Variants in USP39 observed in about 807,000 individuals in gnomAD.
The protein encoded by USP39 is ubiquitin specific peptidase 39, also known as ubiquitin carboxyl-terminal hydrolase 39.
In USP39, 38 loss-of-function variants were observed where a neutral mutation model predicts 66.4. That is an observed-to-expected ratio of 0.57 (90% confidence interval 0.44 to 0.75). The LOEUF is 0.75. Ranked by LOEUF, USP39 falls within the 30% of genes least tolerant of loss-of-function variation. The pLI is 0.00. For synonymous variants in USP39, 303 were observed against 274.6 expected, an observed-to-expected ratio of 1.10 and a Z score of -1.02; for missense variants, 608 against 714.4, an observed-to-expected ratio of 0.85 and a Z score of 1.70.
At chr2:85,622,833 A>C (rs1217211958) in intron 3 of USP39, among the ~76,000 whole-genome samples, 1 of 152,098 alleles carries the variant, frequency 6.6e-6, no homozygotes. Flanking sequence ...GTTTAAAGTC[A>C]AGAGTTCAAG....
chr2:85,647,004 C>T (rs748198749), intron 11 of USP39, among the ~76,000 whole-genome samples: 27 of 151,382 alleles, frequency 1.8e-4, no homozygotes, highest in Non-Finnish European at 3.1e-4. Flanking sequence ...TCTCCTGCCT[C>T]AGCCTCCCAA....
At chr2:85,646,953 T>C (rs1046653632) in intron 11 of USP39, among the ~76,000 whole-genome samples, 1 of 149,880 alleles carries the variant, frequency 6.7e-6, no homozygotes, top group Non-Finnish European at 1.5e-5. Context: ...AGTGGCATGA[T>C]CTTGGCTCAC....
chr2:85,619,300 CAG>C lies in USP39; in HGVS notation c.338+15_338+16del. On this transcript the variant is annotated intron_variant, in intron 2 of 12. Transcript: ENST00000323701. ...GGACACCATTAACAGGTCAGTAGGA[CAG>C]AGATGCTGAGTATAGCACAAGAACA... The C allele has an allele frequency of 2.5e-6, 4 of 1,612,144 alleles. No homozygotes were observed. The highest frequency in any genetic ancestry group is 2.5e-6 in the Non-Finnish European group (3 of 1,179,182).
At chr2:85,647,434 G>T (rs1401272306) in intron 11 of USP39, among the ~76,000 whole-genome samples, 1 of 152,074 alleles carries the variant, frequency 6.6e-6, no homozygotes, top group African/African-American at 2.4e-5. Context: ...ACTTTAGGAG[G>T]CTGAGGCGGG....
upstream of USP39, chr2:85,609,568 C>T (rs532868818): frequency 2.4e-5 from 38 of 1,614,080 alleles, no homozygotes; most frequent in Admixed American, 1.2e-4. Flanking sequence ...GTCTGGGTTG[C>T]GTGGGTGGGC....
chr2:85,608,033 G>C (rs11687479), upstream of USP39: 9 of 152,314 alleles, frequency 5.9e-5, no homozygotes, highest in South Asian at 1.4e-3. Flanking sequence ...GGTATGTTCA[G>C]AACTGTTAAG....
chr2:85,645,071 C>T lies in USP39; in HGVS notation c.1551C>T (p.His517=), dbSNP rs192554169. The change falls in exon 11 of 13, where the codon CAC becomes CAT. Residue 517 remains histidine, a synonymous_variant. Transcript: ENST00000323701. The part of the protein sequence containing the change: ...GKPSEGSYRI[H]VLHHGTGKWY... ...CCTCCGAGGGCTCCTACCGGATCCACGTGCTTCATCATGTGAGTGGCTGCT... is the reference window on the plus strand; with the variant it reads ...CCTCCGAGGGCTCCTACCGGATCCATGTGCTTCATCATGTGAGTGGCTGCT... 30 of 1,614,160 alleles carry T rather than the reference C, an allele frequency of 1.9e-5. No individual in the cohort carries two copies. In the East Asian group the frequency reaches 5.1e-4, roughly 28 times the overall value.
chr2:85,645,029 C>A lies in USP39; in HGVS notation c.1509C>A (p.Ile503=). 1 of 1,614,176 alleles carries A rather than the reference C, an allele frequency of 6.2e-7. No homozygotes were observed. The highest frequency in any genetic ancestry group is 8.5e-7 in the Non-Finnish European group (1 of 1,180,038). Residue 503 remains isoleucine (I), a synonymous_variant, in exon 11 of 13, where the codon ATC becomes ATA. Coordinates refer to ENST00000323701, the MANE Select transcript of USP39 (RefSeq NM_006590.4). The part of the protein sequence containing the change: ...KNTTYDLIAN[I]VHDGKPSEGS... ...CCACCTATGACCTCATTGCCAACATCGTGCATGACGGCAAGCCCTCCGAGG... is the reference window on the plus strand; with the variant it reads ...CCACCTATGACCTCATTGCCAACATAGTGCATGACGGCAAGCCCTCCGAGG...
At chr2:85,612,388 A>G (rs1344023122), upstream of USP39, 1 of 1,535,206 alleles carries the variant, frequency 6.5e-7, no homozygotes. Context: ...ATCCATCGCC[A>G]TCTGCGTGAC....
chr2:85,638,604 T>C (rs931921952), intron 8 of USP39, among the ~76,000 whole-genome samples: 2 of 151,760 alleles, frequency 1.3e-5, no homozygotes, highest in South Asian at 2.1e-4. Flanking sequence ...AATGGCACTA[T>C]CTCGGCTCAC....
At position 85,628,117 on chromosome 2, in the gene USP39, G is replaced by T. The variant is rs1017795151; in HGVS notation, c.723+2426G>T. Among the ~76,000 whole-genome samples, 3 of 151,994 alleles carry T rather than the reference G, an allele frequency of 2.0e-5. No homozygotes were observed. The East Asian group carries it at 5.8e-4, about 29-fold the overall frequency. On this transcript the variant is annotated intron_variant, in intron 5 of 12. Transcript: ENST00000323701. ...AAGTAGAGAGACTTTTCATCAGATC[G>T]TTCCTCTTAAATCCTCTCATGGCTG...
chr2:85,603,480 A>G (rs1396894478), intron 1 of USP39, among the ~76,000 whole-genome samples: 1 of 152,180 alleles, frequency 6.6e-6, no homozygotes, highest in Non-Finnish European at 1.5e-5. Flanking sequence ...GACCCGGAGG[A>G]ATCTGGGAAA....
intron 6 of USP39, among the ~76,000 whole-genome samples, chr2:85,633,959 TC>T (rs1675569150): frequency 7.1e-6 from 1 of 140,922 alleles, no homozygotes; most frequent in Non-Finnish European, 1.5e-5. Context: ...TGCCTCAGCC[TC>T]CCAAGTAGCT....
rs777927610 is a variant in USP39 at position 85,647,926 on chromosome 2, G to T, written c.1564-4G>T. 41 of 1,613,862 alleles carry T rather than the reference G, an allele frequency of 2.5e-5. No homozygotes were observed. Among genetic ancestry groups the T allele is most frequent in the Middle Eastern group, 1.6e-4 (1 of 6,084 alleles). On this transcript the variant is annotated splice_polypyrimidine_tract_variant and splice_region_variant and intron_variant, in intron 11 of 12. Transcript: ENST00000323701. ...ACTAACCCAGCTCTTCATACTTTCT[G>T]CAGGGGACAGGCAAATGGTATGAAT... is the stretch of plus-strand genomic sequence containing the variant.
intron 10 of USP39, among the ~76,000 whole-genome samples, chr2:85,642,535 CTA>C (rs1441253430): frequency 6.6e-6 from 1 of 152,114 alleles, no homozygotes; most frequent in Non-Finnish European, 1.5e-5. Context: ...TTTTATGGGC[CTA>C]GAGTAGGCCC....
At chr2:85,637,834 T>C (rs1284762004) in intron 8 of USP39, among the ~76,000 whole-genome samples, 2 of 151,956 alleles carry the variant, frequency 1.3e-5, no homozygotes, top group Non-Finnish European at 2.9e-5. Context: ...GTGGCTGTGA[T>C]TACAGGCGCT....
chr2:85,612,467 T>A, upstream of USP39: 1 of 1,196,644 alleles, frequency 8.4e-7, no homozygotes, highest in Non-Finnish European at 1.2e-6. Flanking sequence ...CTAGAGCACC[T>A]ACCTCAAATG....
chr2:85,626,720 CTTT>C (rs1203062033), intron 5 of USP39, among the ~76,000 whole-genome samples: 4 of 141,770 alleles, frequency 2.8e-5, no homozygotes, highest in Admixed American at 7.1e-5. Context: ...GTCCTATTTT[CTTT>C]TTTTTTTTTT....
rs1158057906 is a variant in USP39 at position 85,623,936 on chromosome 2, G to A, written c.570+154G>A. On this transcript the variant is annotated intron_variant, in intron 4 of 12. Transcript: ENST00000323701. ...TTTTGGGAAGAACTGGGGAAACTGA[G>A]TAAGGTCAGAATTCATAATTGCAGC... 6 of 842,974 alleles carry A rather than the reference G, an allele frequency of 7.1e-6. No homozygotes were observed. The East Asian group carries it at 1.3e-4, about 19-fold the overall frequency. The allele number at this position is 842,974 out of a possible 1,614,324, so 52.2% of individuals were successfully genotyped here. A position where few individuals can be genotyped will look rare whatever the true frequency, so the allele number is the denominator to read the frequency against.
Sources: gnomAD v4.1 joint callset for allele counts (sites outside exome capture counted in the v4.1 genomes callset) on GRCh38, gnomAD v4.1.1 for gene constraint, MANE v1.5 for transcripts, NCBI Gene and HGNC (gene_info 2026-07-23, HGNC 2026-07-21) for gene names.